Variants in STRN3 observed in about 807,000 individuals in gnomAD.
STRN3 encodes striatin 3.
A neutral mutation model predicts 95.6 loss-of-function variants in STRN3; 29 were observed. That is an observed-to-expected ratio of 0.30 (90% CI 0.23 to 0.41). The LOEUF (loss-of-function observed/expected upper bound fraction) is 0.41. Among genes scored for constraint, STRN3 ranks in the 10% least tolerant of loss-of-function variants. The pLI is 1.00. For missense variants in STRN3, 890 were observed against 972.1 expected, an observed-to-expected ratio of 0.92 and a Z score of 1.12; for synonymous variants, 331 against 357.6, an observed-to-expected ratio of 0.93 and a Z score of 0.84.
intron 1 of STRN3, among the ~76,000 whole-genome samples, chr14:31,003,307 T>C (rs1312550149): frequency 6.7e-6 from 1 of 148,972 alleles, no homozygotes; most frequent in Non-Finnish European, 1.5e-5. Context: ...GTGGTTAAGA[T>C]GGTAAATTTT....
intron 1 of STRN3, among the ~76,000 whole-genome samples, chr14:30,986,071 A>C (rs927801410): frequency 6.6e-6 from 1 of 152,202 alleles, no homozygotes; most frequent in Non-Finnish European, 1.5e-5. Context: ...TTAAAGAGAA[A>C]TGATCTATTA....
intron 1 of STRN3, among the ~76,000 whole-genome samples, chr14:31,020,117 C>T (rs1324300243): frequency 2.0e-5 from 3 of 152,056 alleles, no homozygotes; most frequent in Admixed American, 2.0e-4. Flanking sequence ...TTAGGTATTC[C>T]CGATACTTCA....
At chr14:30,975,079 A>G (rs1241368071) in intron 1 of STRN3, among the ~76,000 whole-genome samples, 1 of 146,150 alleles carries the variant, frequency 6.8e-6, no homozygotes, top group Non-Finnish European at 1.5e-5. Context: ...CCAGAGGAAA[A>G]GAAATTATTA....
At chr14:30,933,995 C>T (rs1253386176) in intron 7 of STRN3, among the ~76,000 whole-genome samples, 1 of 152,184 alleles carries the variant, frequency 6.6e-6, no homozygotes, top group Non-Finnish European at 1.5e-5. Context: ...GATTATTCCT[C>T]TAGCTTGTAA....
intron 1 of STRN3, among the ~76,000 whole-genome samples, chr14:30,962,125 G>C (rs138455091): frequency 1.1e-4 from 16 of 152,160 alleles, no homozygotes; most frequent in African/African-American, 3.4e-4. Context: ...CCTTACGTAG[G>C]CATAGGTTAA....
intron 7 of STRN3, among the ~76,000 whole-genome samples, chr14:30,929,966 A>AAAAAACAAAAAAAAAC (rs1555317369): frequency 9.2e-6 from 1 of 108,282 alleles, no homozygotes; most frequent in Non-Finnish European, 1.8e-5. Flanking sequence ...AAAAAAAAAA[A>AAAAAACAAAAAAAAAC]AAAAAAAAAA....
chr14:30,918,834 G>C (rs1362344103), intron 9 of STRN3, 132 bp downstream of exon 9: 1 of 901,530 alleles, frequency 1.1e-6, no homozygotes, highest in Admixed American at 3.1e-5. Flanking sequence ...TCAAGAGCTT[G>C]CCCAACACCT....
intron 1 of STRN3, among the ~76,000 whole-genome samples, chr14:30,958,958 C>T (rs1880053775): frequency 6.6e-6 from 1 of 152,066 alleles, no homozygotes; most frequent in Non-Finnish European, 1.5e-5. Flanking sequence ...ACTGAACAGA[C>T]GGCTGAAAGG....
intron 1 of STRN3, among the ~76,000 whole-genome samples, chr14:30,988,857 A>G (rs1052509607): frequency 6.6e-6 from 1 of 152,234 alleles, no homozygotes; most frequent in African/African-American, 2.4e-5. Flanking sequence ...TATTTATACC[A>G]CAGGAAGTGA....
intron 1 of STRN3, among the ~76,000 whole-genome samples, chr14:30,959,419 A>G (rs1384000867): frequency 6.6e-6 from 1 of 152,232 alleles, no homozygotes; most frequent in Non-Finnish European, 1.5e-5. Context: ...GAGAGAAGTC[A>G]TAATGACTGG....
intron 1 of STRN3, among the ~76,000 whole-genome samples, chr14:30,989,746 C>T (rs1324575607): frequency 1.3e-5 from 2 of 152,124 alleles, no homozygotes; most frequent in Non-Finnish European, 2.9e-5. Context: ...GCGTGAGCCA[C>T]CGCGCCCGGA....
intron 1 of STRN3, among the ~76,000 whole-genome samples, chr14:31,019,242 G>A (rs761671393): frequency 2.0e-5 from 3 of 152,166 alleles, no homozygotes; most frequent in Admixed American, 6.5e-5. Context: ...CAAGAGTTTT[G>A]AGGCTGCAGT....
chr14:30,973,066 A>G (rs1375490611), intron 1 of STRN3, among the ~76,000 whole-genome samples: 1 of 152,076 alleles, frequency 6.6e-6, no homozygotes, highest in African/African-American at 2.4e-5. Context: ...AAAATCAGCC[A>G]GGTGTGGTGG....
chr14:30,987,798 C>T (rs1176286282), intron 1 of STRN3, among the ~76,000 whole-genome samples: 9 of 150,826 alleles, frequency 6.0e-5, no homozygotes, highest in South Asian at 4.2e-4. Context: ...AGTGCAGTGG[C>T]GCGCGGTCTT....
chr14:30,979,761 G>A (rs900950577), intron 1 of STRN3, among the ~76,000 whole-genome samples: 2 of 151,504 alleles, frequency 1.3e-5, no homozygotes, highest in African/African-American at 2.4e-5. Context: ...CACCACACCC[G>A]GCTAATTTTT....
intron 16 of STRN3, among the ~76,000 whole-genome samples, chr14:30,896,125 T>G (rs1896141530): frequency 6.6e-6 from 1 of 152,218 alleles, no homozygotes; most frequent in Non-Finnish European, 1.5e-5. Flanking sequence ...TACGTGGCTT[T>G]TTGTGTCTGG....
intron 9 of STRN3, 144 bp downstream of exon 9, chr14:30,918,822 C>T (rs1401679752): frequency 6.2e-6 from 5 of 804,252 alleles, no homozygotes; most frequent in East Asian, 3.0e-5. Flanking sequence ...AAATTAGTTA[C>T]ATCAAGAGCT....
chr14:30,927,756 G>A (rs10151219), intron 8 of STRN3, among the ~76,000 whole-genome samples: 58,656 of 150,988 alleles, frequency 0.39, 12,093 homozygotes, highest in Non-Finnish European at 0.46. Context: ...GTAAATCTCC[G>A]TCTCTACTAA....
chr14:30,990,981 G>A (rs528085209), intron 1 of STRN3, among the ~76,000 whole-genome samples: 18 of 152,284 alleles, frequency 1.2e-4, no homozygotes, highest in African/African-American at 3.4e-4. Context: ...CAGAGGGGCA[G>A]CTGTACCAGA....
Sources: gnomAD v4.1 joint callset for allele counts (sites outside exome capture counted in the v4.1 genomes callset) on GRCh38, gnomAD v4.1.1 for gene constraint, MANE v1.5 for transcripts, NCBI Gene and HGNC (gene_info 2026-07-23, HGNC 2026-07-21) for gene names.